The following SLC23A2 variants were observed in gnomAD, a reference collection of about 807,000 sequenced individuals.
The protein encoded by SLC23A2 is solute carrier family 23 member 2.
In SLC23A2, 36 loss-of-function variants were observed where a neutral mutation model predicts 73.3. The ratio of observed to expected loss-of-function variants is 0.49; its 90% CI spans 0.38 to 0.65. The LOEUF is 0.65. SLC23A2 is among the 30% of genes least tolerant of loss of function. The pLI is 0.00. For synonymous variants in SLC23A2, 343 were observed against 327.3 expected (o/e 1.05, Z -0.52); for missense variants, 507 against 841.6 (o/e 0.60, Z 4.92).
At chr20:4,990,259 C>T (rs1246964506) in intron 1 of SLC23A2, among the ~76,000 whole-genome samples, 3 of 152,192 alleles carry the variant, frequency 2.0e-5, no homozygotes, top group Non-Finnish European at 4.4e-5. Context: ...GTGGCTCATC[C>T]CTGTAATCCC....
intron 11 of SLC23A2, among the ~76,000 whole-genome samples, chr20:4,870,316 C>T (rs1482818739): frequency 3.3e-5 from 5 of 152,170 alleles, no homozygotes; most frequent in African/African-American, 9.7e-5. Flanking sequence ...CGGTGGCTCA[C>T]GCCTGTAATC....
intron 3 of SLC23A2, among the ~76,000 whole-genome samples, chr20:4,925,180 CAAAA>C (rs575469662): frequency 1.3e-5 from 1 of 76,404 alleles, no homozygotes. Flanking sequence ...AAGACTCTGT[CAAAA>C]AAAAAAAAAA....
At chr20:4,983,930 TG>T (rs1358233917) in intron 1 of SLC23A2, among the ~76,000 whole-genome samples, 1 of 149,948 alleles carries the variant, frequency 6.7e-6, no homozygotes, top group East Asian at 2.0e-4. Context: ...CACTCCAGCC[TG>T]GGCAACAAGA....
upstream of SLC23A2, among the ~76,000 whole-genome samples, chr20:5,001,917 T>G (rs964976078): frequency 5.3e-5 from 8 of 152,120 alleles, no homozygotes; most frequent in African/African-American, 1.9e-4. Flanking sequence ...GTGGGTTGGA[T>G]GTTTTAAAAC....
intron 15 of SLC23A2, 59 bp downstream of exon 15, chr20:4,861,887 CGT>C: frequency 6.3e-7 from 1 of 1,579,288 alleles, no homozygotes; most frequent in Non-Finnish European, 8.7e-7. Flanking sequence ...CAAAGAGCTG[CGT>C]GTGGACTGGC....
upstream of SLC23A2, among the ~76,000 whole-genome samples, chr20:5,003,538 G>A (rs956829298): frequency 6.0e-5 from 9 of 149,618 alleles, no homozygotes; most frequent in Non-Finnish European, 1.5e-5. Flanking sequence ...TTAATACGAT[G>A]TGTTTGCTTA....
chr20:5,000,154 T>C (rs373459707), intron 1 of SLC23A2, among the ~76,000 whole-genome samples: 336 of 152,252 alleles, frequency 2.2e-3, no homozygotes, highest in African/African-American at 7.6e-3. Flanking sequence ...CACAGAATTC[T>C]GATTTTTTGA....
rs185720255 is a variant in SLC23A2, at chr20:4,860,161, T to C, written c.1625-777A>G. ...AGAAATGAAAACAAGTACTCAAATATGGCCCACATTGATTATTCATGAATT... is the reference window on the plus strand; with the variant it reads ...AGAAATGAAAACAAGTACTCAAATACGGCCCACATTGATTATTCATGAATT... On this transcript the variant is annotated intron_variant, in intron 15 of 16. Coordinates refer to ENST00000338244, the MANE Select transcript of SLC23A2 (RefSeq NM_005116.6). 5.3e-4 allele frequency among the ~76,000 whole-genome samples: 81 copies of C among 152,356 alleles called. 1 individual carries two copies. In the East Asian group the frequency reaches 9.2e-3, roughly 17 times the overall value.
chr20:4,994,756 G>A (rs545866092), intron 1 of SLC23A2, among the ~76,000 whole-genome samples: 14 of 150,572 alleles, frequency 9.3e-5, no homozygotes, highest in East Asian at 2.0e-4. Context: ...GCAAGATTCC[G>A]TCCCCAAAAA....
chr20:4,903,461 GA>G (rs1931825966), intron 4 of SLC23A2, among the ~76,000 whole-genome samples: 1 of 152,286 alleles, frequency 6.6e-6, no homozygotes, highest in African/African-American at 2.4e-5. Context: ...TGGAATCCAA[GA>G]TATGTATCTC....
chr20:5,000,663 C>A (rs1225491313), intron 1 of SLC23A2, among the ~76,000 whole-genome samples: 1 of 152,134 alleles, frequency 6.6e-6, no homozygotes, highest in East Asian at 1.9e-4. Context: ...CGCTTAAACC[C>A]CCAGCCTGCA....
At chr20:4,873,723 C>T (rs1269931190) in intron 11 of SLC23A2, among the ~76,000 whole-genome samples, 2 of 152,190 alleles carry the variant, frequency 1.3e-5, no homozygotes, top group African/African-American at 4.8e-5. Context: ...AGACAGCTCG[C>T]TAATGTGAGA....
intron 1 of SLC23A2, among the ~76,000 whole-genome samples, chr20:4,971,152 T>C (rs897857836): frequency 3.9e-5 from 6 of 152,102 alleles, no homozygotes; most frequent in South Asian, 2.1e-4. Flanking sequence ...TTTTGAAAGA[T>C]AGTATTTTAG....
intron 1 of SLC23A2, among the ~76,000 whole-genome samples, chr20:4,985,062 G>A (rs937347504): frequency 3.3e-5 from 5 of 151,258 alleles, no homozygotes; most frequent in East Asian, 3.9e-4. Context: ...ACTTGATCCC[G>A]GGACGTGGAG....
At chr20:4,984,277 G>A (rs925142425) in intron 1 of SLC23A2, among the ~76,000 whole-genome samples, 5 of 151,546 alleles carry the variant, frequency 3.3e-5, no homozygotes, top group Admixed American at 6.6e-5. Flanking sequence ...AGTCTCGGCC[G>A]GGTGCAGTGG....
intron 1 of SLC23A2, among the ~76,000 whole-genome samples, chr20:4,981,335 T>C (rs1394528482): frequency 3.3e-5 from 5 of 152,200 alleles, no homozygotes; most frequent in Admixed American, 6.5e-5. Context: ...ACCTGTAAGT[T>C]AGCAATACGC....
intron 2 of SLC23A2, among the ~76,000 whole-genome samples, chr20:4,965,490 G>A (rs975834953): frequency 3.3e-5 from 5 of 152,104 alleles, no homozygotes; most frequent in African/African-American, 1.2e-4. Context: ...ATTATAAACT[G>A]GCTGGGCCCA....
intron 1 of SLC23A2, among the ~76,000 whole-genome samples, chr20:5,008,260 T>A (rs1405308879): frequency 2.0e-5 from 3 of 152,130 alleles, no homozygotes; most frequent in Non-Finnish European, 4.4e-5. Context: ...TGGCATTAAG[T>A]GCCACTCCAG....
In SLC23A2 at chr20:4,874,156, G is replaced by A. The variant is rs182034914; in HGVS notation, c.946-64C>T. 146 of 1,514,724 alleles carry A rather than the reference G, an allele frequency of 9.6e-5. 2 individuals carry two copies. Among genetic ancestry groups the A allele is most frequent in the East Asian group, 7.7e-4 (34 of 44,158 alleles). The allele number at this position is 1,514,724 out of a possible 1,614,324, so 93.8% of individuals were successfully genotyped here. A position where few individuals can be genotyped will look rare whatever the true frequency, so the allele number is the denominator to read the frequency against. On this transcript the variant is annotated intron_variant, in intron 10 of 16. Transcript: ENST00000338244. ...GCTCACAGGTGTTGGCAAAAAACAC[G>A]TCTTCCCGCGGTCGGAATATCACAC...
Sources: gnomAD v4.1 joint callset for allele counts (sites outside exome capture counted in the v4.1 genomes callset) on GRCh38, gnomAD v4.1.1 for gene constraint, MANE v1.5 for transcripts, NCBI Gene and HGNC (gene_info 2026-07-23, HGNC 2026-07-21) for gene names.